Variants in KCNIP1 observed in about 807,000 individuals in gnomAD.
KCNIP1 encodes potassium voltage-gated channel interacting protein 1.
A neutral mutation model predicts 33.0 loss-of-function variants in KCNIP1; 18 were observed. The observed-to-expected ratio is 0.55, with a 90% CI of 0.38 to 0.81. The LOEUF is 0.81. Ranked by LOEUF, KCNIP1 falls within the 30% of genes least tolerant of loss-of-function variation. KCNIP1 has a pLI of 0.00. For missense variants in KCNIP1, 238 were observed against 271.6 expected, an observed-to-expected ratio of 0.88 and a Z score of 0.87; for synonymous variants, 93 against 98.3, an observed-to-expected ratio of 0.95 and a Z score of 0.32.
chr5:170,570,305 C>T (rs971357150), intron 1 of KCNIP1, among the ~76,000 whole-genome samples: 14 of 152,182 alleles, frequency 9.2e-5, no homozygotes, highest in African/African-American at 3.4e-4. Flanking sequence ...TCATGCTTTT[C>T]ATAATAATCA....
intron 1 of KCNIP1, among the ~76,000 whole-genome samples, chr5:170,379,442 A>C (rs1483506687): frequency 2.6e-5 from 4 of 152,226 alleles, no homozygotes; most frequent in Admixed American, 1.3e-4. Context: ...AATTGCCTAC[A>C]GGGCTCATGA....
chr5:170,574,216 A>C (rs1757518327), intron 1 of KCNIP1, among the ~76,000 whole-genome samples: 1 of 152,236 alleles, frequency 6.6e-6, no homozygotes, highest in African/African-American at 2.4e-5. Context: ...AAGACATATA[A>C]AGAAACCAAT....
chr5:170,518,015 G>A (rs925592902), intron 1 of KCNIP1, among the ~76,000 whole-genome samples: 6 of 152,028 alleles, frequency 3.9e-5, no homozygotes, highest in Middle Eastern at 3.4e-3. Flanking sequence ...TGGTGGTGAC[G>A]ATAGTGATGG....
At chr5:170,355,965 A>G (rs1763335901) in intron 1 of KCNIP1, among the ~76,000 whole-genome samples, 1 of 152,226 alleles carries the variant, frequency 6.6e-6, no homozygotes, top group African/African-American at 2.4e-5. Context: ...GTGTTTACAC[A>G]GCCCCGGCTC....
In KCNIP1 at chr5:170,677,488, G is replaced by A. The variant is rs141899810; in HGVS notation, c.62-41270G>A. On this transcript the variant is annotated intron_variant, in intron 1 of 7. Coordinates refer to ENST00000328939, the MANE Select transcript of KCNIP1 (RefSeq NM_014592.4). Reference sequence around the variant, plus strand: ...CCTTTTGGAGCTTGAGTGACTTATCGTGGTCACACATCTAGTAAGTGGCAG... The same window carrying A: ...CCTTTTGGAGCTTGAGTGACTTATCATGGTCACACATCTAGTAAGTGGCAG... Among the ~76,000 whole-genome samples, 197 of 152,266 alleles carry A rather than the reference G, an allele frequency of 1.3e-3. 1 individual carries two copies. The highest frequency in any genetic ancestry group is 2.7e-3 in the Admixed American group (41 of 15,304).
intron 1 of KCNIP1, among the ~76,000 whole-genome samples, chr5:170,415,700 G>C (rs772032946): frequency 1.9e-4 from 29 of 152,288 alleles, no homozygotes; most frequent in Non-Finnish European, 3.8e-4. Context: ...CTCGTTTGCT[G>C]TCTGCCCCTC....
At chr5:170,375,818 T>G (rs1374851599) in intron 1 of KCNIP1, 2 of 152,270 alleles carry the variant, frequency 1.3e-5, no homozygotes, top group Non-Finnish European at 1.5e-5. Flanking sequence ...AAAATTTGTT[T>G]CATGCCAAAA....
chr5:170,511,065 C>T (rs1300115062), intron 1 of KCNIP1, among the ~76,000 whole-genome samples: 5 of 152,038 alleles, frequency 3.3e-5, no homozygotes, highest in South Asian at 2.1e-4. Flanking sequence ...AAAAATTAGC[C>T]GGGCATGGTG....
intron 1 of KCNIP1, among the ~76,000 whole-genome samples, chr5:170,708,237 A>T (rs1038736185): frequency 6.6e-6 from 1 of 152,244 alleles, no homozygotes; most frequent in African/African-American, 2.4e-5. Flanking sequence ...AATCAAAAAG[A>T]TGATGTTAAA....
At chr5:170,437,628 G>A (rs951208292) in intron 1 of KCNIP1, among the ~76,000 whole-genome samples, 1 of 152,200 alleles carries the variant, frequency 6.6e-6, no homozygotes, top group Non-Finnish European at 1.5e-5. Flanking sequence ...AGCAGGCTCA[G>A]AGACAGGAGG....
chr5:170,542,900 G>A (rs191166694), intron 1 of KCNIP1, among the ~76,000 whole-genome samples: 99 of 152,228 alleles, frequency 6.5e-4, no homozygotes, highest in Middle Eastern at 6.8e-3. Flanking sequence ...CTGCTGATTG[G>A]GGGGACTACT....
chr5:170,485,311 G>A (rs1254520144), intron 1 of KCNIP1, among the ~76,000 whole-genome samples: 1 of 152,212 alleles, frequency 6.6e-6, no homozygotes, highest in Non-Finnish European at 1.5e-5. Flanking sequence ...CTGGAAGGGA[G>A]TCCCATCCTC....
intron 1 of KCNIP1, among the ~76,000 whole-genome samples, chr5:170,680,187 A>G (rs1376185736): frequency 6.6e-6 from 1 of 152,178 alleles, no homozygotes; most frequent in Non-Finnish European, 1.5e-5. Context: ...ATGGAGATCT[A>G]GGAACTTGCC....
At chr5:170,631,246 G>C (rs1046371903) in intron 1 of KCNIP1, among the ~76,000 whole-genome samples, 1 of 152,136 alleles carries the variant, frequency 6.6e-6, no homozygotes, top group Admixed American at 6.5e-5. Context: ...TCTGTGAAAT[G>C]GGTGTTAGAA....
At chr5:170,406,537 T>C (rs1216806806) in intron 1 of KCNIP1, among the ~76,000 whole-genome samples, 1 of 152,176 alleles carries the variant, frequency 6.6e-6, no homozygotes, top group Non-Finnish European at 1.5e-5. Context: ...CTACTGAATT[T>C]AAAAAGTGGC....
At chr5:170,696,679 C>T (rs1424957495) in intron 1 of KCNIP1, among the ~76,000 whole-genome samples, 6 of 152,132 alleles carry the variant, frequency 3.9e-5, no homozygotes, top group Non-Finnish European at 8.8e-5. Flanking sequence ...ATAACCCCTT[C>T]AGGCATCTGA....
intron 1 of KCNIP1, among the ~76,000 whole-genome samples, chr5:170,531,243 T>C (rs2113345486): frequency 6.6e-6 from 1 of 152,318 alleles, no homozygotes; most frequent in African/African-American, 2.4e-5. Context: ...TGGAAACCTC[T>C]GCCTTCTACA....
At chr5:170,526,109 G>A (rs1003564473) in intron 1 of KCNIP1, among the ~76,000 whole-genome samples, 1 of 152,216 alleles carries the variant, frequency 6.6e-6, no homozygotes, top group Non-Finnish European at 1.5e-5. Flanking sequence ...TTTCGCCTGT[G>A]GCTGGGATTG....
intron 1 of KCNIP1, among the ~76,000 whole-genome samples, chr5:170,700,132 C>T (rs574823238): frequency 8.6e-5 from 13 of 152,018 alleles, no homozygotes; most frequent in Non-Finnish European, 1.8e-4. Context: ...CTAGAGCAGG[C>T]TTATCTTGTT....
Sources: allele counts gnomAD v4.1 joint callset (sites outside exome capture counted in the v4.1 genomes callset), GRCh38; gene constraint gnomAD v4.1.1; transcripts MANE v1.5; gene names NCBI Gene and HGNC (gene_info 2026-07-23, HGNC 2026-07-21).